AP1S3: variants seen among roughly 807,000 people sequenced by gnomAD.
AP1S3 encodes adaptor related protein complex 1 subunit sigma 3, also known as AP-1 complex subunit sigma-3.
A neutral mutation model predicts 20.9 loss-of-function variants in AP1S3; 10 were observed. The observed-to-expected ratio is 0.48, with a 90% confidence interval of 0.29 to 0.81. The LOEUF (loss-of-function observed/expected upper bound fraction) is 0.81, where lower values mean the gene tolerates loss of function less well. Ranked by LOEUF, AP1S3 falls within the 30% of genes least tolerant of loss-of-function variation. The pLI is 0.08. For synonymous variants in AP1S3, 41 were observed against 61.5 expected, an observed-to-expected ratio of 0.67 and a Z score of 1.56; for missense variants, 154 against 183.8, an observed-to-expected ratio of 0.84 and a Z score of 0.94.
chr2:223,798,096 T>C (rs181035043), intron 1 of AP1S3, among the ~76,000 whole-genome samples: 1 of 151,046 alleles, frequency 6.6e-6, no homozygotes, highest in African/African-American at 2.5e-5. Context: ...ATGTCATAGG[T>C]TTTTTTTCCC....
Position 223,765,303 on chromosome 2 carries a change from G to A in AP1S3, c.339C>T (p.Ile113=), listed in dbSNP as rs267599222. Residue 113 remains isoleucine (I), a synonymous_variant, in exon 4 of 5, where the codon ATC becomes ATT. Transcript: ENST00000396654. The stretch of plus-strand genomic sequence containing the variant: ...CCCCACCTATTATAAACTCGTCCAG[G>A]ATGAAATAAGCCTTTTCAAAATTAA... ...IIFNFEKAYF[I]LDEFIIGGEI... is the part of the protein sequence containing the mutation. 6.2e-7 allele frequency: 1 copy of A among 1,613,920 alleles called. No homozygotes were observed. Among genetic ancestry groups the A allele is most frequent in the Non-Finnish European group, 8.5e-7 (1 of 1,179,978 alleles).
At chr2:223,803,807 G>T (rs1316380799) in intron 1 of AP1S3, among the ~76,000 whole-genome samples, 1 of 151,404 alleles carries the variant, frequency 6.6e-6, no homozygotes, top group African/African-American at 2.4e-5. Flanking sequence ...GTGAACCTGG[G>T]AGGCAGAGCT....
intron 1 of AP1S3, among the ~76,000 whole-genome samples, chr2:223,806,796 T>C (rs1304624094): frequency 6.6e-6 from 1 of 152,238 alleles, no homozygotes; most frequent in Non-Finnish European, 1.5e-5. Flanking sequence ...GCCTTGTTCA[T>C]GTTTATCTTT....
chr2:223,830,197 G>A lies in AP1S3; in HGVS notation c.3+7251C>T, dbSNP rs114892748. 3.1e-3 allele frequency among the ~76,000 whole-genome samples: 478 copies of A among 152,110 alleles called. 3 individuals are homozygous for A. Among genetic ancestry groups the A allele is most frequent in the African/African-American group, 0.011 (447 of 41,468 alleles). ...TGTGTTAATACAAAAATATTTTCTCGGCTGGGCGCTGTGGATCACACCTAT... is the reference window on the plus strand; with the variant it reads ...TGTGTTAATACAAAAATATTTTCTCAGCTGGGCGCTGTGGATCACACCTAT... On this transcript the variant is annotated intron_variant, in intron 1 of 4. Transcript: ENST00000396654.
intron 1 of AP1S3, among the ~76,000 whole-genome samples, chr2:223,832,135 C>CTCTGTGTGTG (rs1327430961): frequency 7.3e-4 from 52 of 70,778 alleles, no homozygotes; most frequent in African/African-American, 1.9e-3. Flanking sequence ...AGTTTTCTCT[C>CTCTGTGTGTG]TGTGTGTGTG....
At chr2:223,811,348 A>G (rs1050311580) in intron 1 of AP1S3, among the ~76,000 whole-genome samples, 2 of 152,106 alleles carry the variant, frequency 1.3e-5, no homozygotes, top group African/African-American at 2.4e-5. Context: ...TGGGCAGATC[A>G]CCTGAGTTCA....
intron 1 of AP1S3, among the ~76,000 whole-genome samples, chr2:223,786,506 C>G (rs1361787442): frequency 6.6e-6 from 1 of 151,924 alleles, no homozygotes. Flanking sequence ...GTAACCCCAG[C>G]ACTTTGGGAA....
At chr2:223,770,290 C>G (rs1690587513) in intron 3 of AP1S3, 1 of 1,550,550 alleles carries the variant, frequency 6.4e-7, no homozygotes, top group Non-Finnish European at 8.7e-7. Flanking sequence ...CCAAGACAGA[C>G]AGGAGCCTCA....
chr2:223,777,669 G>A (rs1205187386), intron 2 of AP1S3, 22 bp downstream of exon 2: 1 of 1,602,744 alleles, frequency 6.2e-7, no homozygotes, highest in Non-Finnish European at 8.5e-7. Context: ...GAGAAATTGA[G>A]CTCTCAAAAA....
chr2:223,804,078 C>T (rs191189436), intron 1 of AP1S3, among the ~76,000 whole-genome samples: 2 of 152,200 alleles, frequency 1.3e-5, no homozygotes, highest in African/African-American at 2.4e-5. Flanking sequence ...CTGAACAATG[C>T]TCCTTTTCCA....
chr2:223,765,297 GTC>G lies in AP1S3; in HGVS notation c.343_344del (p.Asp115ArgfsTer21). 1 of 1,613,818 alleles carries G rather than the reference GTC, an allele frequency of 6.2e-7. No homozygotes were observed. Among genetic ancestry groups the G allele is most frequent in the South Asian group, 1.1e-5 (1 of 91,040 alleles). Reference sequence around the variant, plus strand: ...GAATTTCCCCACCTATTATAAACTCGTCCAGGATGAAATAAGCCTTTTCAAAA... The same window carrying G: ...GAATTTCCCCACCTATTATAAACTCGCAGGATGAAATAAGCCTTTTCAAAA... The part of the protein sequence containing the change: ...FNFEKAYFIL[D>X]EFIIGGEIQE... On this transcript the variant is annotated frameshift_variant, in exon 4 of 5. Transcript: ENST00000396654. LOFTEE classifies it high-confidence loss of function.
intron 1 of AP1S3, among the ~76,000 whole-genome samples, chr2:223,823,966 T>C (rs1176513994): frequency 6.6e-6 from 1 of 152,096 alleles, no homozygotes; most frequent in Non-Finnish European, 1.5e-5. Flanking sequence ...GGGGCAGACA[T>C]ATAGGGGTGT....
chr2:223,768,156 A>T (rs1305108349), intron 3 of AP1S3, among the ~76,000 whole-genome samples: 1 of 152,168 alleles, frequency 6.6e-6, no homozygotes, highest in African/African-American at 2.4e-5. Flanking sequence ...TTCCCGTGCC[A>T]GTTCTCATCC....
chr2:223,794,010 A>G (rs934058899), intron 1 of AP1S3, among the ~76,000 whole-genome samples: 3 of 152,152 alleles, frequency 2.0e-5, no homozygotes, highest in African/African-American at 7.2e-5. Flanking sequence ...GTGTTTTAGT[A>G]AGTTACTACA....
At chr2:223,818,830 A>G (rs182217244) in intron 1 of AP1S3, among the ~76,000 whole-genome samples, 135 of 152,176 alleles carry the variant, frequency 8.9e-4, no homozygotes, top group Admixed American at 2.0e-3. Context: ...CTGGGATTAC[A>G]GGCATGAGCC....
intron 3 of AP1S3, among the ~76,000 whole-genome samples, chr2:223,770,026 G>A (rs1267865855): frequency 6.6e-6 from 1 of 152,132 alleles, no homozygotes; most frequent in Non-Finnish European, 1.5e-5. Context: ...TTACAGGCGT[G>A]AGCCATCGCG....
chr2:223,822,540 C>T (rs1037679830), intron 1 of AP1S3, among the ~76,000 whole-genome samples: 35 of 151,826 alleles, frequency 2.3e-4, no homozygotes, highest in African/African-American at 8.2e-4. Context: ...CAAAATTAGC[C>T]GGGCATGGTG....
chr2:223,831,064 C>G (rs1187267753), intron 1 of AP1S3, among the ~76,000 whole-genome samples: 2 of 152,162 alleles, frequency 1.3e-5, no homozygotes, highest in Admixed American at 6.5e-5. Flanking sequence ...TCACTGGTCT[C>G]AAACTCCTGG....
intron 1 of AP1S3, among the ~76,000 whole-genome samples, chr2:223,793,589 A>T (rs993835148): frequency 6.6e-6 from 1 of 152,094 alleles, no homozygotes; most frequent in Non-Finnish European, 1.5e-5. Context: ...GAGCATCAGG[A>T]AGAATAGCTA....
Sources: gnomAD v4.1 joint callset for allele counts (sites outside exome capture counted in the v4.1 genomes callset) on GRCh38, gnomAD v4.1.1 for gene constraint, MANE v1.5 for transcripts, NCBI Gene and HGNC (gene_info 2026-07-23, HGNC 2026-07-21) for gene names.